Variants in MACC1 observed in about 807,000 individuals in gnomAD.
MACC1 encodes the protein metastasis-associated in colon cancer protein 1.
MACC1 carries 79 observed loss-of-function variants against 70.7 expected under a neutral mutation model. The observed-to-expected ratio is 1.12, with a 90% CI of 0.93 to 1.35. The LOEUF is 1.35. MACC1 is among the 40% of genes most tolerant of loss of function. The pLI is 0.00. For missense variants in MACC1, 1,106 were observed against 978.1 expected, an observed-to-expected ratio of 1.13 and a Z score of -1.74; for synonymous variants, 361 against 347.2, an observed-to-expected ratio of 1.04 and a Z score of -0.44.
chr7:20,190,377 A>AT (rs542393285), intron 1 of MACC1, among the ~76,000 whole-genome samples: 25 of 152,126 alleles, frequency 1.6e-4, no homozygotes, highest in Admixed American at 1.2e-3. Context: ...CTAATCATTT[A>AT]TTTTTTTAGC....
At chr7:20,181,080 C>CTGTGTGTGTGTGTGTG (rs59476252) in intron 1 of MACC1, among the ~76,000 whole-genome samples, 12 of 149,080 alleles carry the variant, frequency 8.0e-5, no homozygotes, top group African/African-American at 3.0e-4. Flanking sequence ...TGTATGTGCT[C>CTGTGTGTGTGTGTGTG]TGTGTGTGTG....
rs1332762905 is a variant in MACC1, at chr7:20,166,223, T to A, written c.-152-1824A>T. On this transcript the variant is annotated intron_variant, in intron 2 of 6. Coordinates refer to ENST00000400331, the MANE Select transcript of MACC1 (RefSeq NM_182762.4). The stretch of plus-strand genomic sequence containing the variant: ...CTTGATCTATGTGATAATAAAAACA[T>A]GTCCATGTAGGCTATAACTCTTATA... Among the ~76,000 whole-genome samples the A allele has an allele frequency of 1.3e-5, 2 of 152,216 alleles. 1 individual carries two copies. The highest frequency in any genetic ancestry group is 1.3e-4 in the Admixed American group (2 of 15,278).
chr7:20,151,324 T>C (rs1051803882), intron 6 of MACC1, among the ~76,000 whole-genome samples: 1 of 152,214 alleles, frequency 6.6e-6, no homozygotes, highest in Non-Finnish European at 1.5e-5. Context: ...TTTTCTAATA[T>C]GCTATTGATT....
At chr7:20,142,371 G>A (rs1477729873) in intron 6 of MACC1, among the ~76,000 whole-genome samples, 1 of 152,138 alleles carries the variant, frequency 6.6e-6, no homozygotes, top group African/African-American at 2.4e-5. Flanking sequence ...GGCATTCCTG[G>A]GAAGCCATGA....
Position 20,159,008 on chromosome 7 carries a change from T to C in MACC1, c.1353A>G (p.Glu451=). 2 of 1,614,056 alleles carry C rather than the reference T, an allele frequency of 1.2e-6. No homozygotes were observed. Among genetic ancestry groups the C allele is most frequent in the Non-Finnish European group, 1.7e-6 (2 of 1,180,024 alleles). The change falls in exon 5 of 7, where the codon GAA becomes GAG. Residue 451 remains glutamate (E), a synonymous_variant. Transcript: ENST00000400331. ...ACTGCTTTTGTTTAATTTCTTTCCT[T>C]TCTCCTTCTGTCTTTACTTCAAAAT... ...DPDFEVKTEG[E]RKEIKQKQLE...
At position 20,159,119 on chromosome 7, in the gene MACC1, T is replaced by A. The variant is rs1305944032; in HGVS notation, c.1242A>T (p.Pro414=). ...DIKKGGKNIS[P]VVFQLWGKQS... ...GCTTCCCCCAGAGCTGAAACACAAC[T>A]GGAGATATGTTTTTTCCACCCTTCT... The change falls in exon 5 of 7, where the codon CCA becomes CCT. Residue 414 remains proline (P), a synonymous_variant. Transcript: ENST00000400331. 1 of 1,613,738 alleles carries A rather than the reference T, an allele frequency of 6.2e-7. No homozygotes were observed. Among genetic ancestry groups the A allele is most frequent in the South Asian group, 1.1e-5 (1 of 91,050 alleles).
At chr7:20,182,605 T>C (rs1782527069) in intron 1 of MACC1, among the ~76,000 whole-genome samples, 1 of 152,208 alleles carries the variant, frequency 6.6e-6, no homozygotes, top group Non-Finnish European at 1.5e-5. Flanking sequence ...CCTTTCCTAC[T>C]GTATATAAAC....
In MACC1 at chr7:20,159,937, C is replaced by G. The variant is rs372365341; in HGVS notation, c.424G>C (p.Glu142Gln). The G allele has an allele frequency of 6.2e-7, 1 of 1,614,120 alleles. No homozygotes were observed. Among genetic ancestry groups the G allele is most frequent in the East Asian group, 2.2e-5 (1 of 44,882 alleles). ...GTGTCGTCTAAAATGTCCAGAAGTTCTGAAACACTTTTAGATCTTCCAGAA... is the reference window on the plus strand; with the variant it reads ...GTGTCGTCTAAAATGTCCAGAAGTTGTGAAACACTTTTAGATCTTCCAGAA... ...RNSGRSKSVS[E>Q]LLDILDDTAH... Residue 142 changes from glutamate (E) to glutamine (Q), a missense_variant, in exon 5 of 7, where the codon GAA (glutamate) becomes CAA (glutamine). Glu to Gln is a conservative substitution (Grantham distance 29, BLOSUM62 2). Coordinates refer to ENST00000400331, the MANE Select transcript of MACC1 (RefSeq NM_182762.4).
At chr7:20,173,212 A>G (rs778797564) in intron 1 of MACC1, among the ~76,000 whole-genome samples, 1 of 152,234 alleles carries the variant, frequency 6.6e-6, no homozygotes, top group Non-Finnish European at 1.5e-5. Context: ...AGGTGATAAT[A>G]TACATGTTTT....
intron 1 of MACC1, among the ~76,000 whole-genome samples, chr7:20,185,794 T>C (rs1782578487): frequency 6.6e-6 from 1 of 152,200 alleles, no homozygotes; most frequent in Non-Finnish European, 1.5e-5. Flanking sequence ...ATGGTATCTA[T>C]TATCTCCTCT....
chr7:20,148,340 C>G (rs1171684107), intron 6 of MACC1, among the ~76,000 whole-genome samples: 1 of 152,172 alleles, frequency 6.6e-6, no homozygotes. Flanking sequence ...GGTAACCTTG[C>G]TATAAATCTA....
At chr7:20,169,503 T>C (rs552582565) in intron 2 of MACC1, among the ~76,000 whole-genome samples, 14 of 152,232 alleles carry the variant, frequency 9.2e-5, no homozygotes, top group Non-Finnish European at 2.1e-4. Flanking sequence ...ACTTGCATGG[T>C]CTTTTCTAGC....
chr7:20,216,342 G>C (rs1783069937), intron 1 of MACC1, among the ~76,000 whole-genome samples: 1 of 151,842 alleles, frequency 6.6e-6, no homozygotes, highest in African/African-American at 2.4e-5. Flanking sequence ...TTTATTAATT[G>C]TGGTAAAAAA....
rs371745012 is a variant in MACC1, at chr7:20,137,143, G to A, written c.*3803C>T. ...AACAATTACAGAAAACATAACAATA[G>A]CACAATATAAAAATTCAAGTCCTTC... On this transcript the variant is annotated 3_prime_UTR_variant, in exon 7 of 7. Transcript: ENST00000400331. 2 of 151,782 alleles carry A rather than the reference G, an allele frequency of 1.3e-5. No individual in the cohort carries two copies. Among genetic ancestry groups the A allele is most frequent in the African/African-American group, 2.4e-5 (1 of 41,336 alleles). 9.4% of individuals were successfully genotyped at this position (151,782 alleles called of 1,614,324 possible). A position where few individuals can be genotyped will look rare whatever the true frequency, so the allele number is the denominator to read the frequency against.
intron 1 of MACC1, among the ~76,000 whole-genome samples, chr7:20,207,428 AG>A (rs1307079340): frequency 6.6e-6 from 1 of 152,124 alleles, no homozygotes; most frequent in African/African-American, 2.4e-5. Flanking sequence ...CTGGGATTAC[AG>A]GCATGAGCCA....
chr7:20,173,235 A>G (rs1289915423), intron 1 of MACC1, among the ~76,000 whole-genome samples: 1 of 152,216 alleles, frequency 6.6e-6, no homozygotes, highest in Admixed American at 6.5e-5. Flanking sequence ...TTTGTTTTCT[A>G]AAAACATATT....
Position 20,172,666 on chromosome 7 carries a change from T to A in MACC1, c.-217-1888A>T, listed in dbSNP as rs567220091. 3.9e-5 allele frequency among the ~76,000 whole-genome samples: 6 copies of A among 152,338 alleles called. 1 individual carries two copies. The East Asian group carries it at 1.2e-3, about 29-fold the overall frequency. On this transcript the variant is annotated intron_variant, in intron 1 of 6. Coordinates refer to ENST00000400331, the MANE Select transcript of MACC1 (RefSeq NM_182762.4). ...CCATTCAGAATAGAATAGGCAGAAT[T>A]GTCCATCACTGTCATTTTTAATTCT...
In MACC1 at chr7:20,141,058, C is replaced by G; in HGVS notation, c.2447G>C (p.Arg816Thr). Residue 816 changes from arginine (R) to threonine (T), a missense_variant, in exon 7 of 7, where the codon AGA becomes ACA. Transcript: ENST00000400331. ...GTGTTTAGTCACAGGGTTTTTCATT[C>G]TGTCCAAAGCTGACTGAAGGTCTTG... The part of the protein sequence containing the change: ...VLQDLQSALD[R>T]MKNPVTKHWR... The G allele has an allele frequency of 6.2e-7, 1 of 1,613,896 alleles. No individual in the cohort carries two copies. The highest frequency in any genetic ancestry group is 8.5e-7 in the Non-Finnish European group (1 of 1,179,858).
intron 4 of MACC1, 34 bp from the exon 5 acceptor site, chr7:20,160,279 G>T (rs1782123205): frequency 1.3e-6 from 2 of 1,511,792 alleles, no homozygotes; most frequent in Middle Eastern, 1.8e-4. Flanking sequence ...GCAAAACAAA[G>T]ATAAGGTGGC....
Sources: allele counts gnomAD v4.1 joint callset (sites outside exome capture counted in the v4.1 genomes callset), GRCh38; gene constraint gnomAD v4.1.1; transcripts MANE v1.5; gene names NCBI Gene and HGNC (gene_info 2026-07-23, HGNC 2026-07-21).